The following ENPP2 variants were observed in gnomAD, a reference collection of about 807,000 sequenced individuals.
ENPP2 encodes autotaxin.
A neutral mutation model predicts 120.2 loss-of-function variants in ENPP2; 51 were observed. That is an observed-to-expected ratio of 0.42 (90% CI 0.34 to 0.54). ENPP2 has a LOEUF of 0.54. Among genes scored for constraint, ENPP2 ranks in the 20% least tolerant of loss-of-function variants. The probability of loss-of-function intolerance (pLI) is 0.04; values close to 1 mark genes in which losing one functional copy is unlikely to be tolerated. For synonymous variants in ENPP2, 365 were observed against 366.4 expected (o/e 1.00, Z 0.04); for missense variants, 920 against 1,066.5 (o/e 0.86, Z 1.91).
intron 24 of ENPP2, 26 bp from the exon 25 acceptor site, chr8:119,557,717 G>T: frequency 6.6e-7 from 1 of 1,518,368 alleles, no homozygotes; most frequent in Non-Finnish European, 8.8e-7. Context: ...AACAAAATCA[G>T]AATCAGAATT....
intron 1 of ENPP2, among the ~76,000 whole-genome samples, chr8:119,672,209 G>A (rs1818271153): frequency 6.6e-6 from 1 of 152,172 alleles, no homozygotes; most frequent in Non-Finnish European, 1.5e-5. Flanking sequence ...GAAAACTGAG[G>A]TGGCAGCCAG....
rs753940004 is a variant in ENPP2, at chr8:119,583,945, C to T, written c.1455+17G>A. On this transcript the variant is annotated intron_variant, in intron 16 of 24. Coordinates refer to ENST00000075322, the MANE Select transcript of ENPP2 (RefSeq NM_001040092.3). ...ACCACTAAAACACAATTTCAATTCACAGTTCTGCCATCATACCTGCATGCT... is the reference window on the plus strand; with the variant it reads ...ACCACTAAAACACAATTTCAATTCATAGTTCTGCCATCATACCTGCATGCT... 5 of 1,593,342 alleles carry T rather than the reference C, an allele frequency of 3.1e-6. No homozygotes were observed. The African/African-American group carries it at 4.0e-5, about 13-fold the overall frequency.
At chr8:119,635,736 A>G (rs1816960110) in intron 2 of ENPP2, among the ~76,000 whole-genome samples, 1 of 152,194 alleles carries the variant, frequency 6.6e-6, no homozygotes. Flanking sequence ...CTCCTAATAA[A>G]TCTATAAATC....
chr8:119,620,639 A>G (rs1395412432), intron 4 of ENPP2, among the ~76,000 whole-genome samples: 1 of 152,244 alleles, frequency 6.6e-6, no homozygotes, highest in East Asian at 1.9e-4. Flanking sequence ...CAACTTCTAT[A>G]AGTGGGTTGC....
chr8:119,596,451 GA>G (rs1177178237), intron 11 of ENPP2, among the ~76,000 whole-genome samples: 1 of 152,198 alleles, frequency 6.6e-6, no homozygotes, highest in Non-Finnish European at 1.5e-5. Flanking sequence ...TCATGTAAGT[GA>G]TTCCAATTCA....
chr8:119,599,186 G>A (rs1367860599), intron 11 of ENPP2, among the ~76,000 whole-genome samples: 1 of 152,076 alleles, frequency 6.6e-6, no homozygotes, highest in Non-Finnish European at 1.5e-5. Flanking sequence ...CATACAAGAC[G>A]GGTTAAACTT....
At chr8:119,566,394 A>G (rs1814446079) in intron 22 of ENPP2, among the ~76,000 whole-genome samples, 1 of 152,204 alleles carries the variant, frequency 6.6e-6, no homozygotes, top group African/African-American at 2.4e-5. Context: ...GCACCTGGCC[A>G]TGCTTCTCAT....
chr8:119,581,004 C>G (rs910744273), intron 18 of ENPP2: 28 of 152,182 alleles, frequency 1.8e-4, no homozygotes, highest in African/African-American at 6.5e-4. Flanking sequence ...CAGTGGCTCA[C>G]GCCTGTAATC....
intron 12 of ENPP2, among the ~76,000 whole-genome samples, chr8:119,592,254 C>T (rs1293372847): frequency 6.6e-6 from 1 of 152,106 alleles, no homozygotes; most frequent in African/African-American, 2.4e-5. Flanking sequence ...AGGCAGATCA[C>T]CTGAGGCCAG....
At chr8:119,599,923 C>G (rs1366638195) in intron 11 of ENPP2, among the ~76,000 whole-genome samples, 1 of 150,524 alleles carries the variant, frequency 6.6e-6, no homozygotes, top group African/African-American at 2.5e-5. Context: ...AGGAGAATCA[C>G]TTGAACCTGG....
rs755936763 is a variant in ENPP2, at chr8:119,590,485, T to C, written c.1207+20A>G. 15 of 1,578,280 alleles carry C rather than the reference T, an allele frequency of 9.5e-6. No individual in the cohort carries two copies. In the East Asian group the frequency reaches 3.4e-4, roughly 36 times the overall value. ...TTGTATTACCACTCTAACCACTTAA[T>C]ATTTTAAGAATCAACTTACATTTAG... On this transcript the variant is annotated intron_variant, in intron 13 of 24. Transcript: ENST00000075322.
chr8:119,600,159 A>C (rs1304965061), intron 11 of ENPP2, among the ~76,000 whole-genome samples: 1 of 152,192 alleles, frequency 6.6e-6, no homozygotes, highest in Non-Finnish European at 1.5e-5. Context: ...TACCTATGCC[A>C]AAATGTATTA....
intron 20 of ENPP2, among the ~76,000 whole-genome samples, chr8:119,570,009 C>T (rs1014337032): frequency 6.6e-6 from 1 of 152,080 alleles, no homozygotes; most frequent in African/African-American, 2.4e-5. Flanking sequence ...TGGCTCATGC[C>T]TGTAATCCCA....
intron 20 of ENPP2, among the ~76,000 whole-genome samples, chr8:119,569,747 T>TGTGTGTGTGG (rs1354527011): frequency 2.7e-5 from 4 of 149,584 alleles, no homozygotes; most frequent in African/African-American, 9.9e-5. Context: ...TTTATCTGTG[T>TGTGTGTGTGG]GTGTGTGTGT....
At chr8:119,598,143 T>C (rs1026006087) in intron 11 of ENPP2, among the ~76,000 whole-genome samples, 4 of 152,248 alleles carry the variant, frequency 2.6e-5, no homozygotes, top group Admixed American at 6.5e-5. Context: ...TGACTTGCTT[T>C]GGTTTCATGT....
At chr8:119,587,139 T>C in intron 13 of ENPP2, 64 bp from the exon 14 acceptor site, 1 of 1,317,902 alleles carries the variant, frequency 7.6e-7, no homozygotes, top group African/African-American at 1.4e-5. Context: ...AAATCATTTT[T>C]GCAGCAAGAT....
At chr8:119,621,348 A>T (rs772073433) in intron 4 of ENPP2, 46 bp downstream of exon 4, 5 of 1,595,916 alleles carry the variant, frequency 3.1e-6, no homozygotes, top group Non-Finnish European at 8.6e-7. Context: ...GAGCACCTCC[A>T]GTTTTTATTC....
At chr8:119,578,099 G>A (rs1812474711) in intron 19 of ENPP2, among the ~76,000 whole-genome samples, 1 of 152,176 alleles carries the variant, frequency 6.6e-6, no homozygotes, top group Non-Finnish European at 1.5e-5. Flanking sequence ...CGCCCAGGTT[G>A]CAGTGCAGTG....
intron 1 of ENPP2, among the ~76,000 whole-genome samples, chr8:119,668,562 G>A (rs1032581691): frequency 6.6e-6 from 1 of 150,878 alleles, no homozygotes; most frequent in African/African-American, 2.4e-5. Flanking sequence ...CCGAGTACCT[G>A]GGACTACAGG....
Sources: allele counts gnomAD v4.1 joint callset (sites outside exome capture counted in the v4.1 genomes callset), GRCh38; gene constraint gnomAD v4.1.1; transcripts MANE v1.5; gene names NCBI Gene and HGNC (gene_info 2026-07-23, HGNC 2026-07-21).